The following CDH8 variants were observed in gnomAD, a reference collection of about 807,000 sequenced individuals.
CDH8 encodes the protein cadherin 8.
A neutral mutation model predicts 68.1 loss-of-function variants in CDH8; 17 were observed. The observed-to-expected ratio is 0.25, with a 90% CI of 0.17 to 0.37. CDH8 has a LOEUF of 0.37. Among genes scored for constraint, CDH8 ranks in the 10% least tolerant of loss-of-function variants. The pLI, the probability that CDH8 is intolerant of heterozygous loss-of-function variation, is 1.00. For missense variants in CDH8, 763 were observed against 999.3 expected (o/e 0.76, Z 3.19); for synonymous variants, 372 against 365.1 (o/e 1.02, Z -0.21).
chr16:61,847,971 T>C (rs1451000270), intron 4 of CDH8, among the ~76,000 whole-genome samples: 2 of 152,014 alleles, frequency 1.3e-5, no homozygotes, highest in African/African-American at 4.8e-5. Context: ...CCCTTGGATA[T>C]TGGTTAATCT....
intron 2 of CDH8, among the ~76,000 whole-genome samples, chr16:61,930,622 C>T (rs983485412): frequency 1.3e-5 from 2 of 152,320 alleles, no homozygotes; most frequent in African/African-American, 4.8e-5. Flanking sequence ...TTAGGAGACA[C>T]TTGCTTTGGG....
chr16:61,955,106 A>C (rs973266630), intron 2 of CDH8, among the ~76,000 whole-genome samples: 1 of 152,250 alleles, frequency 6.6e-6, no homozygotes, highest in African/African-American at 2.4e-5. Context: ...ACGACATGCT[A>C]TCCTCCACTG....
At chr16:61,670,186 A>G (rs750905493) in intron 10 of CDH8, among the ~76,000 whole-genome samples, 14 of 152,100 alleles carry the variant, frequency 9.2e-5, no homozygotes, top group African/African-American at 3.4e-4. Flanking sequence ...TTACAAATGT[A>G]GAAAAGTCCT....
chr16:61,966,260 C>A (rs1965250365), intron 2 of CDH8, among the ~76,000 whole-genome samples: 1 of 152,070 alleles, frequency 6.6e-6, no homozygotes, highest in African/African-American at 2.4e-5. Flanking sequence ...AGAATGTGGG[C>A]CGGGCGCCGT....
At chr16:61,764,136 A>T (rs1005884453) in intron 8 of CDH8, among the ~76,000 whole-genome samples, 1 of 152,094 alleles carries the variant, frequency 6.6e-6, no homozygotes, top group Non-Finnish European at 1.5e-5. Flanking sequence ...TGACATTCCT[A>T]TGATATTGAT....
chr16:61,867,846 AC>A lies in CDH8; in HGVS notation c.548-10609del, dbSNP rs1189311328. ...ACTTTACTTGATTGTCTCTAGGGGC[AC>A]CTTTTACTTTTATATATAAATTGCA... On this transcript the variant is annotated intron_variant, in intron 3 of 11. Coordinates refer to ENST00000577390, the MANE Select transcript of CDH8 (RefSeq NM_001796.5). Among the ~76,000 whole-genome samples, 8 of 152,058 alleles carry A rather than the reference AC, an allele frequency of 5.3e-5. No individual in the cohort carries two copies. In the East Asian group the frequency reaches 1.3e-3, roughly 26 times the overall value.
chr16:61,647,430 C>A lies in CDH8; in HGVS notation c.*6178G>T, dbSNP rs888817659. On this transcript the variant is annotated 3_prime_UTR_variant, in exon 12 of 12. Transcript: ENST00000577390. ...GTTAAAGAAAAATTAGAAAACCATT[C>A]GACATATTTGTAGTTAAAGCAGAGT... is the stretch of plus-strand genomic sequence containing the variant. 1.2e-5 allele frequency: 2 copies of A among 163,462 alleles called. No individual in the cohort carries two copies. The highest frequency in any genetic ancestry group is 2.6e-5 in the Non-Finnish European group (2 of 76,810). 10.1% of individuals were successfully genotyped at this position (163,462 alleles called of 1,614,324 possible).
At chr16:61,737,171 C>T (rs1321941144) in intron 8 of CDH8, among the ~76,000 whole-genome samples, 3 of 152,200 alleles carry the variant, frequency 2.0e-5, no homozygotes, top group South Asian at 2.1e-4. Context: ...TGGGAATTTG[C>T]TTTTAACTGG....
At chr16:61,764,481 A>G (rs1960540811) in intron 8 of CDH8, among the ~76,000 whole-genome samples, 1 of 152,116 alleles carries the variant, frequency 6.6e-6, no homozygotes, top group Non-Finnish European at 1.5e-5. Context: ...AACTATTCAT[A>G]TTCAATTCCT....
chr16:61,977,358 A>C (rs1194245971), intron 2 of CDH8, among the ~76,000 whole-genome samples: 1 of 152,200 alleles, frequency 6.6e-6, no homozygotes, highest in Middle Eastern at 3.2e-3. Flanking sequence ...ACAGTACTAT[A>C]ATAAGGAGAT....
In CDH8 at chr16:61,996,528, C is replaced by T. The variant is rs1243659728; in HGVS notation, c.252+24624G>A. On this transcript the variant is annotated intron_variant, in intron 2 of 11. Coordinates refer to ENST00000577390, the MANE Select transcript of CDH8 (RefSeq NM_001796.5). The stretch of plus-strand genomic sequence containing the variant: ...TATGTAATCGTATAATATTGACATT[C>T]CATAAAGCTACGGCAGCTTTCATTC... 2.6e-5 allele frequency among the ~76,000 whole-genome samples: 4 copies of T among 152,228 alleles called. No individual in the cohort carries two copies. The East Asian group carries it at 7.7e-4, about 29-fold the overall frequency.
chr16:61,999,205 G>A (rs1965853464), intron 2 of CDH8, among the ~76,000 whole-genome samples: 1 of 152,114 alleles, frequency 6.6e-6, no homozygotes, highest in African/African-American at 2.4e-5. Context: ...CCTCATTTAA[G>A]CCAAAATATA....
chr16:62,001,556 T>C (rs2150596992), intron 2 of CDH8, among the ~76,000 whole-genome samples: 1 of 152,316 alleles, frequency 6.6e-6, no homozygotes, highest in South Asian at 2.1e-4. Flanking sequence ...TTGTCAGTGA[T>C]AATGATTTAC....
chr16:61,972,865 C>T (rs1555526045), intron 2 of CDH8, among the ~76,000 whole-genome samples: 2 of 152,140 alleles, frequency 1.3e-5, no homozygotes, highest in Non-Finnish European at 2.9e-5. Context: ...GATCTCCACT[C>T]AGAGAGAAAA....
At chr16:61,997,976 A>C (rs927226907) in intron 2 of CDH8, among the ~76,000 whole-genome samples, 2 of 152,222 alleles carry the variant, frequency 1.3e-5, no homozygotes, top group Admixed American at 6.5e-5. Context: ...AATATCTATA[A>C]ACAGCAATTT....
rs77186679 is a variant in CDH8 at position 61,697,024 on chromosome 16, A to G, written c.1654+16817T>C. ...ACCTGGGTAACAGGATTATTCATATATAAAAGCTCAGCAACACACAATTTA... is the reference window on the plus strand; with the variant it reads ...ACCTGGGTAACAGGATTATTCATATGTAAAAGCTCAGCAACACACAATTTA... On this transcript the variant is annotated intron_variant, in intron 10 of 11. Transcript: ENST00000577390. 8.1e-3 allele frequency among the ~76,000 whole-genome samples: 1,233 copies of G among 152,288 alleles called. 10 individuals carry two copies. Among genetic ancestry groups the G allele is most frequent in the African/African-American group, 0.027 (1,126 of 41,538 alleles).
At chr16:61,658,995 C>A (rs1016230266) in intron 10 of CDH8, among the ~76,000 whole-genome samples, 2 of 152,042 alleles carry the variant, frequency 1.3e-5, no homozygotes, top group African/African-American at 2.4e-5. Context: ...AATTTAGTTA[C>A]CTTTTTAAAA....
rs115190538 is a variant in CDH8, at chr16:61,903,687, C to T, written c.253-2214G>A. On this transcript the variant is annotated intron_variant, in intron 2 of 11. Coordinates refer to ENST00000577390, the MANE Select transcript of CDH8 (RefSeq NM_001796.5). ...TAACTACATGAACTGAAGAAATTCA[C>T]TCATTTATTTGTGTTTCAGTTACTT... Among the ~76,000 whole-genome samples the T allele has an allele frequency of 6.8e-3, 1,034 of 152,326 alleles. 14 individuals are homozygous for T. The highest frequency in any genetic ancestry group is 0.023 in the African/African-American group (968 of 41,572).
intron 2 of CDH8, among the ~76,000 whole-genome samples, chr16:61,925,548 T>C (rs985003634): frequency 1.3e-5 from 2 of 152,204 alleles, no homozygotes; most frequent in East Asian, 1.9e-4. Context: ...AGGAGTGTGC[T>C]ATTACAATTT....
Sources: allele counts gnomAD v4.1 joint callset (sites outside exome capture counted in the v4.1 genomes callset), GRCh38; gene constraint gnomAD v4.1.1; transcripts MANE v1.5; gene names NCBI Gene and HGNC (gene_info 2026-07-23, HGNC 2026-07-21).